Variants in EZH2 observed in about 807,000 individuals in gnomAD.
EZH2 encodes the protein histone-lysine N-methyltransferase EZH2.
A neutral mutation model predicts 98.4 loss-of-function variants in EZH2; 18 were observed. The ratio of observed to expected loss-of-function variants is 0.18; its 90% CI spans 0.13 to 0.27. The LOEUF (loss-of-function observed/expected upper bound fraction) is 0.27, where lower values mean the gene tolerates loss of function less well. EZH2 is among the 10% of genes least tolerant of loss of function. EZH2 has a pLI of 1.00. For missense variants in EZH2, 470 were observed against 935.1 expected (o/e 0.50, Z 6.49); for synonymous variants, 338 against 312.3 (o/e 1.08, Z -0.87).
In EZH2 at chr7:148,854,650, A is replaced by G. The variant is rs193202286; in HGVS notation, c.-7-7345T>C. Among the ~76,000 whole-genome samples the G allele has an allele frequency of 1.1e-3, 170 of 152,314 alleles. 1 individual carries two copies. Among genetic ancestry groups the G allele is most frequent in the Non-Finnish European group, 8.4e-4 (57 of 68,010 alleles). The stretch of plus-strand genomic sequence containing the variant: ...TAAGGTCAAATCCAAACCCAACAAG[A>G]TGTAAGTAATATGATTACAATATTC... On this transcript the variant is annotated intron_variant, in intron 1 of 19. Transcript: ENST00000320356.
chr7:148,816,983 T>G lies in EZH2; in HGVS notation c.1411-205A>C. On this transcript the variant is annotated intron_variant, in intron 11 of 19. Transcript: ENST00000320356. Reference sequence around the variant, plus strand: ...CAAGAACTGTGATGCTAAATTTCAATTCTTACTAGCTTTTAAAAGCTACTG... The same window carrying G: ...CAAGAACTGTGATGCTAAATTTCAAGTCTTACTAGCTTTTAAAAGCTACTG... The G allele has an allele frequency of 6.7e-6, 4 of 596,946 alleles. No individual in the cohort carries two copies. In the South Asian group the frequency reaches 9.3e-5, roughly 14 times the overall value. 37.0% of individuals were successfully genotyped at this position (596,946 alleles called of 1,614,324 possible).
rs1167324849 is a variant in EZH2, at chr7:148,835,199, C to A, written c.247-2449G>T. Among the ~76,000 whole-genome samples the A allele has an allele frequency of 2.6e-5, 4 of 152,004 alleles. No homozygotes were observed. In the South Asian group the frequency reaches 8.3e-4, roughly 32 times the overall value. On this transcript the variant is annotated intron_variant, in intron 3 of 19. Transcript: ENST00000320356. ...CTTTGGCAGGCCAAGACGGGCAGAT[C>A]GCTTGAGCCCAGAAGTTCAAGACCA...
At position 148,815,658 on chromosome 7, in the gene EZH2, C is replaced by T. The variant is rs543249879; in HGVS notation, c.1506-112G>A. On this transcript the variant is annotated intron_variant, in intron 12 of 19. Coordinates refer to ENST00000320356, the MANE Select transcript of EZH2 (RefSeq NM_004456.5). ...CATGAATACAGGAATGCGTTAAAGC[C>T]AAGAGTCATGCCCTGCCCAGTTTAT... 6 of 945,074 alleles carry T rather than the reference C, an allele frequency of 6.3e-6. No homozygotes were observed. The African/African-American group carries it at 8.0e-5, about 13-fold the overall frequency. 58.5% of individuals were successfully genotyped at this position (945,074 alleles called of 1,614,324 possible).
chr7:148,833,816 T>C (rs755729874), intron 3 of EZH2, among the ~76,000 whole-genome samples: 14 of 152,256 alleles, frequency 9.2e-5, no homozygotes, highest in African/African-American at 2.6e-4. Flanking sequence ...AAAGGATAAG[T>C]AGCTTGCCCA....
chr7:148,849,698 T>C (rs1815174163), intron 1 of EZH2, among the ~76,000 whole-genome samples: 1 of 152,192 alleles, frequency 6.6e-6, no homozygotes, highest in African/African-American at 2.4e-5. Context: ...ACATCAAAGA[T>C]GAGAAGAAAC....
In EZH2 at chr7:148,840,376, A is replaced by G. The variant is rs147613690; in HGVS notation, c.246+6094T>C. 1.8e-3 allele frequency among the ~76,000 whole-genome samples: 275 copies of G among 152,292 alleles called. 1 individual carries two copies. The highest frequency in any genetic ancestry group is 6.2e-3 in the African/African-American group (259 of 41,550). ...ATGAAAATTTGGACAGAGGTTGTAA[A>G]GTGATGGCCCAAAATGGAAAGGATG... On this transcript the variant is annotated intron_variant, in intron 3 of 19. Coordinates refer to ENST00000320356, the MANE Select transcript of EZH2 (RefSeq NM_004456.5).
chr7:148,866,502 G>A (rs925290183), intron 1 of EZH2, among the ~76,000 whole-genome samples: 5 of 140,690 alleles, frequency 3.6e-5, no homozygotes, highest in Admixed American at 7.0e-5. Flanking sequence ...ATATATATAC[G>A]TATATACATA....
chr7:148,828,238 T>C (rs1188969642), intron 6 of EZH2, among the ~76,000 whole-genome samples: 1 of 152,256 alleles, frequency 6.6e-6, no homozygotes, highest in Non-Finnish European at 1.5e-5. Context: ...CAATGTTATA[T>C]ATTATAATGA....
Position 148,822,507 on chromosome 7 carries a change from C to CA in EZH2, c.908-2821dup, listed in dbSNP as rs779600590. Among the ~76,000 whole-genome samples the CA allele has an allele frequency of 7.6e-3, 821 of 107,976 alleles. 4 individuals are homozygous for CA. The highest frequency in any genetic ancestry group is 0.011 in the African/African-American group (319 of 28,998). 70.8% of individuals were successfully genotyped at this position (107,976 alleles called of 152,430 possible). On this transcript the variant is annotated intron_variant, in intron 8 of 19. Coordinates refer to ENST00000320356, the MANE Select transcript of EZH2 (RefSeq NM_004456.5). Reference sequence around the variant, plus strand: ...CCTGAGCGACAGAGCAAGACTGTCTCAAAAAAAAAAAAAAGTTTAAACTTT... The same window carrying CA: ...CCTGAGCGACAGAGCAAGACTGTCTCAAAAAAAAAAAAAAAGTTTAAACTTT...
intron 1 of EZH2, among the ~76,000 whole-genome samples, chr7:148,850,842 C>T (rs1815565056): frequency 6.6e-6 from 1 of 151,994 alleles, no homozygotes; most frequent in African/African-American, 2.4e-5. Context: ...ACGTACATAC[C>T]CATGAAGTTT....
At chr7:148,846,393 C>G in intron 3 of EZH2, 77 bp downstream of exon 3, 1 of 1,510,862 alleles carries the variant, frequency 6.6e-7, no homozygotes, top group Non-Finnish European at 9.0e-7. Flanking sequence ...TGATTTCCTC[C>G]CAATAACCAA....
chr7:148,864,992 T>C (rs1187347887), intron 1 of EZH2, among the ~76,000 whole-genome samples: 2 of 152,082 alleles, frequency 1.3e-5, no homozygotes, highest in African/African-American at 4.8e-5. Flanking sequence ...CCGGGTATGG[T>C]GGCAGGTGCC....
At chr7:148,816,428 T>A (rs1804574278) in intron 12 of EZH2, among the ~76,000 whole-genome samples, 1 of 152,230 alleles carries the variant, frequency 6.6e-6, no homozygotes, top group African/African-American at 2.4e-5. Context: ...AATATGTTTT[T>A]CTTAACCCAA....
At chr7:148,816,562 G>T (rs1401778802) in intron 12 of EZH2, 122 bp downstream of exon 12, 2 of 651,222 alleles carry the variant, frequency 3.1e-6, no homozygotes, top group African/African-American at 3.7e-5. Context: ...TTCTGTTTTT[G>T]ATGGCAGTTT....
At chr7:148,851,267 G>A (rs1195935565) in intron 1 of EZH2, among the ~76,000 whole-genome samples, 4 of 152,040 alleles carry the variant, frequency 2.6e-5, no homozygotes, top group African/African-American at 9.7e-5. Flanking sequence ...AGGACCCTGT[G>A]GTTCAGTTGT....
chr7:148,835,423 CAAAA>C (rs545080861), intron 3 of EZH2, among the ~76,000 whole-genome samples: 8 of 71,426 alleles, frequency 1.1e-4, no homozygotes, highest in African/African-American at 2.0e-4. Context: ...GACCCCGCCT[CAAAA>C]AAAAAAAAAA....
intron 2 of EZH2, 127 bp from the exon 3 acceptor site, chr7:148,846,725 T>C (rs890597621): frequency 1.1e-5 from 9 of 806,580 alleles, no homozygotes; most frequent in South Asian, 9.2e-5. Flanking sequence ...CTTAGGTGCA[T>C]ATAGATTTTA....
At position 148,826,716 on chromosome 7, in the gene EZH2, T is replaced by C. The variant is rs560187541; in HGVS notation, c.729-84A>G. 3.4e-6 allele frequency: 4 copies of C among 1,160,158 alleles called. No homozygotes were observed. The African/African-American group carries it at 6.2e-5, about 18-fold the overall frequency. 71.9% of individuals were successfully genotyped at this position (1,160,158 alleles called of 1,614,324 possible). On this transcript the variant is annotated intron_variant, in intron 7 of 19. Transcript: ENST00000320356. ...CAGTTTCTAAAAGGTTTCCATGTGT[T>C]ACTTTTGATGTTTATCTTGCCTAAA...
Position 148,850,442 on chromosome 7 carries a change from T to TTAA in EZH2, c.-7-3140_-7-3138dup, listed in dbSNP as rs1272951105. The TTAA allele has an allele frequency of 3.1e-6, 3 of 963,882 alleles. No homozygotes were observed. In the East Asian group the frequency reaches 3.4e-4, roughly 110 times the overall value. 59.7% of individuals were successfully genotyped at this position (963,882 alleles called of 1,614,324 possible). A position where few individuals can be genotyped will look rare whatever the true frequency, so the allele number is the denominator to read the frequency against. On this transcript the variant is annotated intron_variant, in intron 1 of 19. Transcript: ENST00000320356. ...AAGACTTTCCATGCTGTTTCTACCATTAATAACATACCTAATAAAGTATAT... is the reference window on the plus strand; with the variant it reads ...AAGACTTTCCATGCTGTTTCTACCATTAATAATAACATACCTAATAAAGTATAT...
Sources: allele counts gnomAD v4.1 joint callset (sites outside exome capture counted in the v4.1 genomes callset), GRCh38; gene constraint gnomAD v4.1.1; transcripts MANE v1.5; gene names NCBI Gene and HGNC (gene_info 2026-07-23, HGNC 2026-07-21).